The following MYO18A variants were observed in gnomAD, a reference collection of about 807,000 sequenced individuals.
MYO18A encodes the protein myosin XVIIIA, also known as unconventional myosin-XVIIIa.
MYO18A carries 78 observed loss-of-function variants against 235.8 expected under a neutral mutation model. The ratio of observed to expected loss-of-function variants is 0.33; its 90% CI spans 0.28 to 0.40. The LOEUF is 0.40. Ranked by LOEUF, MYO18A falls within the 10% of genes least tolerant of loss-of-function variation. MYO18A has a pLI of 1.00. For missense variants in MYO18A, 2,215 were observed against 2,699.3 expected, an observed-to-expected ratio of 0.82 and a Z score of 3.98; for synonymous variants, 977 against 1,077.8, an observed-to-expected ratio of 0.91 and a Z score of 1.83.
In MYO18A at chr17:29,155,702, C is replaced by A. The variant is rs575498225; in HGVS notation, c.999+10240G>T. Among the ~76,000 whole-genome samples, 198 of 152,324 alleles carry A rather than the reference C, an allele frequency of 1.3e-3. 1 individual carries two copies. The highest frequency in any genetic ancestry group is 6.8e-3 in the Middle Eastern group (2 of 294). On this transcript the variant is annotated intron_variant, in intron 2 of 41. Transcript: ENST00000527372. ...TGGGTGGCCCCAGTAGGCCAGAGAA[C>A]CTGGGTCCAGAGGCCTGGCCCCACC...
chr17:29,128,102 C>A (rs2067369032), intron 2 of MYO18A: 2 of 1,058,166 alleles, frequency 1.9e-6, no homozygotes, highest in Admixed American at 5.3e-5. Flanking sequence ...GTGCTCCTTG[C>A]CCCTGCCCCG....
intron 2 of MYO18A, chr17:29,128,421 G>A (rs1193199963): frequency 2.3e-6 from 3 of 1,289,534 alleles, no homozygotes; most frequent in East Asian, 5.6e-5. Context: ...GCAGCTCCCG[G>A]GCCGTTCATG....
intron 2 of MYO18A, among the ~76,000 whole-genome samples, chr17:29,162,126 G>C (rs1241331534): frequency 6.6e-6 from 1 of 152,008 alleles, no homozygotes; most frequent in Non-Finnish European, 1.5e-5. Flanking sequence ...GCCTCTACCT[G>C]AGTCCAGGTC....
At chr17:29,137,404 G>T (rs1018926500) in intron 2 of MYO18A, among the ~76,000 whole-genome samples, 1 of 152,178 alleles carries the variant, frequency 6.6e-6, no homozygotes, top group African/African-American at 2.4e-5. Context: ...TACAAACAAG[G>T]GAGGTATAAT....
At chr17:29,093,302 G>A in intron 32 of MYO18A, 21 bp downstream of exon 32, 1 of 1,599,854 alleles carries the variant, frequency 6.3e-7, no homozygotes, top group South Asian at 1.1e-5. Flanking sequence ...GCCAGGCTTG[G>A]TGGGTGGAGC....
intron 2 of MYO18A, among the ~76,000 whole-genome samples, chr17:29,143,587 G>T (rs2067788563): frequency 6.6e-6 from 1 of 151,936 alleles, no homozygotes; most frequent in Non-Finnish European, 1.5e-5. Context: ...CATAAGCGGG[G>T]GAAAAAATGA....
At chr17:29,127,786 T>G in intron 2 of MYO18A, 7 of 917,244 alleles carry the variant, frequency 7.6e-6, no homozygotes, top group Non-Finnish European at 9.1e-6. Context: ...AAGCCGGCTG[T>G]GAGGGTGCCT....
chr17:29,162,549 C>G (rs1414621867), intron 2 of MYO18A, among the ~76,000 whole-genome samples: 1 of 152,226 alleles, frequency 6.6e-6, no homozygotes, highest in African/African-American at 2.4e-5. Flanking sequence ...GGACTTGAAG[C>G]CCCTCTGCTG....
intron 2 of MYO18A, among the ~76,000 whole-genome samples, chr17:29,141,025 C>A (rs1445617324): frequency 6.6e-6 from 1 of 152,236 alleles, no homozygotes; most frequent in Non-Finnish European, 1.5e-5. Context: ...GAGACCCACA[C>A]GGGCAGGCCC....
At chr17:29,142,094 G>A (rs2067753703) in intron 2 of MYO18A, among the ~76,000 whole-genome samples, 1 of 152,202 alleles carries the variant, frequency 6.6e-6, no homozygotes, top group Non-Finnish European at 1.5e-5. Flanking sequence ...ACAGGCGCCT[G>A]CCACCATGCC....
intron 2 of MYO18A, among the ~76,000 whole-genome samples, chr17:29,154,942 T>C (rs1420101009): frequency 2.0e-5 from 3 of 152,098 alleles, no homozygotes; most frequent in African/African-American, 4.8e-5. Context: ...CACAAGGAGA[T>C]GGTATCAGAC....
In MYO18A at chr17:29,101,455, G is replaced by A. The variant is rs185780363; in HGVS notation, c.3508-1693C>T. Among the ~76,000 whole-genome samples the A allele has an allele frequency of 2.7e-4, 41 of 152,112 alleles. No homozygotes were observed. In the East Asian group the frequency reaches 5.2e-3, roughly 19 times the overall value. On this transcript the variant is annotated intron_variant, in intron 21 of 41. Coordinates refer to ENST00000527372, the MANE Select transcript of MYO18A (RefSeq NM_078471.4). ...CGAGTAGCTGGGACTACAGGTGCCC[G>A]TCACCATGCCCAGATACTTTTTTTG... is the stretch of plus-strand genomic sequence containing the variant.
chr17:29,131,218 G>A (rs573787904), intron 2 of MYO18A, among the ~76,000 whole-genome samples: 1 of 152,280 alleles, frequency 6.6e-6, no homozygotes, highest in African/African-American at 2.4e-5. Flanking sequence ...ACACAGGAAG[G>A]GGCCCCCTGC....
intron 2 of MYO18A, among the ~76,000 whole-genome samples, chr17:29,139,418 G>C (rs890538555): frequency 6.6e-6 from 1 of 152,106 alleles, no homozygotes; most frequent in South Asian, 2.1e-4. Flanking sequence ...AGCTCTCTCT[G>C]ACCTCTCCCC....
chr17:29,107,994 G>A (rs537517307), intron 19 of MYO18A, among the ~76,000 whole-genome samples: 1 of 151,300 alleles, frequency 6.6e-6, no homozygotes, highest in East Asian at 1.9e-4. Context: ...TCCTGGCCCT[G>A]CCTCTTAGGA....
Position 29,107,168 on chromosome 17 carries a change from A to G in MYO18A, c.3353T>C (p.Phe1118Ser). 1 of 1,613,974 alleles carries G rather than the reference A, an allele frequency of 6.2e-7. No individual in the cohort carries two copies. The highest frequency in any genetic ancestry group is 1.1e-5 in the South Asian group (1 of 91,088). The change falls in exon 20 of 42, where the codon TTT becomes TCT. Residue 1118 changes from phenylalanine to serine, a missense_variant. Phe to Ser is a radical substitution (Grantham distance 155, BLOSUM62 -2). Transcript: ENST00000527372. Reference sequence around the variant, plus strand: ...ATCAAAGCGGCGGCGGAACTCGGAAAACACCATGTGGTCAGGGTAACCTAG... The same window carrying G: ...ATCAAAGCGGCGGCGGAACTCGGAAGACACCATGTGGTCAGGGTAACCTAG... ...YRQGYPDHMV[F>S]SEFRRRFDVL...
intron 34 of MYO18A, 31 bp from the exon 35 acceptor site, chr17:29,090,957 C>A: frequency 6.3e-7 from 1 of 1,586,958 alleles, no homozygotes; most frequent in South Asian, 1.1e-5. Flanking sequence ...ATCAGAGGGC[C>A]TCAGGCCCAG....
chr17:29,119,393 T>C lies in MYO18A; in HGVS notation c.1771A>G (p.Ser591Gly), dbSNP rs775621710. ...EKLRVARRPASEATFNVFYYL... is the reference protein window; with the variant it reads ...EKLRVARRPAGEATFNVFYYL... ...TAGAAGACGTTGAATGTGGCTTCAC[T>C]GGCTGGGCGCCGAGCCACACGCAGC... Residue 591 changes from serine (S) to glycine (G), a missense_variant, in exon 8 of 42, where the codon AGT becomes GGT. By Grantham distance (56) the Ser-to-Gly change is moderately conservative. Coordinates refer to ENST00000527372, the MANE Select transcript of MYO18A (RefSeq NM_078471.4). The C allele has an allele frequency of 6.2e-7, 1 of 1,611,892 alleles. No individual in the cohort carries two copies. The highest frequency in any genetic ancestry group is 1.7e-5 in the Admixed American group (1 of 59,876).
chr17:29,126,974 T>C lies in MYO18A; in HGVS notation c.1000-4721A>G, dbSNP rs2067336879. Reference sequence around the variant, plus strand: ...CAAGAGTCCTGCTGCCAGATGGTCATGCTGGCCAGGCCTAAAGAAGGCAGT... The same window carrying C: ...CAAGAGTCCTGCTGCCAGATGGTCACGCTGGCCAGGCCTAAAGAAGGCAGT... On this transcript the variant is annotated intron_variant, in intron 2 of 41. Transcript: ENST00000527372. The surrounding 1 kb of genome is among the most constrained non-coding windows in gnomAD (Gnocchi z 4.1). 6.6e-6 allele frequency among the ~76,000 whole-genome samples: 1 copy of C among 152,214 alleles called. No individual in the cohort carries two copies.
Sources: allele counts gnomAD v4.1 joint callset (sites outside exome capture counted in the v4.1 genomes callset), GRCh38; gene constraint gnomAD v4.1.1; non-coding constraint Gnocchi (gnomAD v3.1); transcripts MANE v1.5; gene names NCBI Gene and HGNC (gene_info 2026-07-23, HGNC 2026-07-21).